SLC9A8: variants seen among roughly 807,000 people sequenced by gnomAD.
The protein encoded by SLC9A8 is sodium/hydrogen exchanger 8.
A neutral mutation model predicts 66.6 loss-of-function variants in SLC9A8; 48 were observed. That is an observed-to-expected ratio of 0.72 (90% CI 0.57 to 0.92). SLC9A8 has a LOEUF of 0.92. Among genes scored for constraint, SLC9A8 ranks in the 40% least tolerant of loss-of-function variants. The probability of loss-of-function intolerance (pLI) is 0.00; values close to 1 mark genes in which losing one functional copy is unlikely to be tolerated. For missense variants in SLC9A8, 599 were observed against 747.3 expected, an observed-to-expected ratio of 0.80 and a Z score of 2.31; for synonymous variants, 274 against 282.6, an observed-to-expected ratio of 0.97 and a Z score of 0.31.
chr20:49,828,918 GAT>G lies in SLC9A8; in HGVS notation c.289+5778_289+5779del, dbSNP rs2087038553. On this transcript the variant is annotated intron_variant, in intron 3 of 15. Coordinates refer to ENST00000361573, the MANE Select transcript of SLC9A8 (RefSeq NM_015266.3). ...AGCACAGTGCATGGCACACAGTATA[GAT>G]GTGTGTGTGTGTGTATGTATGCATT... 5.6e-5 allele frequency among the ~76,000 whole-genome samples: 7 copies of G among 125,354 alleles called. No homozygotes were observed. The South Asian group carries it at 1.7e-3, about 30-fold the overall frequency. 82.2% of individuals were successfully genotyped at this position (125,354 alleles called of 152,430 possible).
At position 49,823,133 on chromosome 20, in the gene SLC9A8, T is replaced by A; in HGVS notation, c.281T>A (p.Val94Asp). The A allele has an allele frequency of 6.2e-7, 1 of 1,610,738 alleles. No individual in the cohort carries two copies. Among genetic ancestry groups the A allele is most frequent in the Non-Finnish European group, 8.5e-7 (1 of 1,177,862 alleles). Residue 94 changes from valine to aspartate, a missense_variant, in exon 3 of 16, where the codon GTT becomes GAT. Around this residue, in one of 2 missense-constraint regions of SLC9A8, gnomAD observed 132 missense variants for 120.9 expected, o/e 1.09. Coordinates refer to ENST00000361573, the MANE Select transcript of SLC9A8 (RefSeq NM_015266.3). ...TTCTTGCCAGAGAGTGTTGCTGTTG[T>A]TTCTTTAGGTAAGTGTGTATTGGTG... ...LHFLPESVAV[V>D]SLGILMGAVI...
intron 10 of SLC9A8, among the ~76,000 whole-genome samples, chr20:49,867,152 A>T (rs2089005293): frequency 6.6e-6 from 1 of 152,132 alleles, no homozygotes; most frequent in Non-Finnish European, 1.5e-5. Flanking sequence ...TTTGCTTGTT[A>T]TTAAGTTTTG....
At chr20:49,882,712 T>G (rs1171434952) in intron 13 of SLC9A8, among the ~76,000 whole-genome samples, 4 of 152,188 alleles carry the variant, frequency 2.6e-5, no homozygotes, top group Non-Finnish European at 5.9e-5. Flanking sequence ...AATCCTACTT[T>G]GAATTGCCCG....
At position 49,890,215 on chromosome 20, in the gene SLC9A8, C is replaced by T. The variant is rs2090010281; in HGVS notation, c.*2279C>T. ...GAGTGCCCCCAAGAGATGAGGGCAC[C>T]CCGTGTTCCTTGGCAATCTTGGCTC... On this transcript the variant is annotated 3_prime_UTR_variant, in exon 16 of 16. Transcript: ENST00000361573. The T allele has an allele frequency of 6.6e-6, 1 of 152,042 alleles. No individual in the cohort carries two copies. Among genetic ancestry groups the T allele is most frequent in the African/African-American group, 2.4e-5 (1 of 41,378 alleles). 9.4% of individuals were successfully genotyped at this position (152,042 alleles called of 1,614,324 possible).
At chr20:49,874,282 G>T (rs1177849429) in intron 10 of SLC9A8, among the ~76,000 whole-genome samples, 2 of 152,046 alleles carry the variant, frequency 1.3e-5, no homozygotes, top group Non-Finnish European at 2.9e-5. Flanking sequence ...AGGGTGGGGG[G>T]GTAGTGCAGT....
intron 8 of SLC9A8, among the ~76,000 whole-genome samples, chr20:49,862,324 C>T (rs1207465476): frequency 1.3e-5 from 2 of 151,854 alleles, no homozygotes; most frequent in Non-Finnish European, 1.5e-5. Context: ...TGTAGTTGTG[C>T]GATCTTGGCC....
chr20:49,853,329 T>C (rs975328687), intron 7 of SLC9A8, among the ~76,000 whole-genome samples: 2 of 152,172 alleles, frequency 1.3e-5, no homozygotes, highest in Admixed American at 1.3e-4. Context: ...TGTGTAGAGA[T>C]AGGGTTCTCT....
intron 14 of SLC9A8, among the ~76,000 whole-genome samples, chr20:49,885,784 G>A (rs191770064): frequency 3.3e-5 from 5 of 152,268 alleles, no homozygotes; most frequent in East Asian, 1.9e-4. Context: ...TGAGAATGCC[G>A]AGGCACCAAG....
chr20:49,887,180 C>T (rs1474053501), intron 15 of SLC9A8, among the ~76,000 whole-genome samples: 4 of 152,184 alleles, frequency 2.6e-5, no homozygotes, highest in African/African-American at 4.8e-5. Context: ...GCTACTGAAT[C>T]GGAGCTGAGG....
intron 2 of SLC9A8, among the ~76,000 whole-genome samples, chr20:49,816,700 T>C (rs1443914635): frequency 6.6e-6 from 1 of 151,990 alleles, no homozygotes; most frequent in African/African-American, 2.4e-5. Context: ...AGCTAAGGAA[T>C]AAATAGCTTT....
Position 49,830,288 on chromosome 20 carries a change from A to G in SLC9A8, c.289+7147A>G. The G allele has an allele frequency of 4.4e-6, 5 of 1,137,708 alleles. No homozygotes were observed. The South Asian group carries it at 4.9e-5, about 11-fold the overall frequency. The allele number at this position is 1,137,708 out of a possible 1,614,324, so 70.5% of individuals were successfully genotyped here. A position where few individuals can be genotyped will look rare whatever the true frequency, so the allele number is the denominator to read the frequency against. ...GTGGAATCGTCTCTAACTTGCTAAA[A>G]ATGGGTCACACAGTGACTGTCTGGA... On this transcript the variant is annotated intron_variant, in intron 3 of 15. Transcript: ENST00000361573.
rs560489373 is a variant in SLC9A8, at chr20:49,890,385, G to C, written c.*2449G>C. The C allele has an allele frequency of 2.6e-5, 4 of 152,296 alleles. No homozygotes were observed. The highest frequency in any genetic ancestry group is 9.6e-5 in the African/African-American group (4 of 41,564). 9.4% of individuals were successfully genotyped at this position (152,296 alleles called of 1,614,324 possible). A position where few individuals can be genotyped will look rare whatever the true frequency, so the allele number is the denominator to read the frequency against. On this transcript the variant is annotated 3_prime_UTR_variant, in exon 16 of 16. Transcript: ENST00000361573. ...TGCATAGAAGATATAAAAATACGCAGCTTAACTATATCTTCCTGCGTGTGT... is the reference window on the plus strand; with the variant it reads ...TGCATAGAAGATATAAAAATACGCACCTTAACTATATCTTCCTGCGTGTGT...
intron 3 of SLC9A8, among the ~76,000 whole-genome samples, chr20:49,825,360 G>T (rs575644435): frequency 1.3e-5 from 2 of 152,120 alleles, no homozygotes; most frequent in East Asian, 3.9e-4. Context: ...AAATAAATTG[G>T]CCAGGCGCGG....
At chr20:49,887,712 T>TC in intron 15 of SLC9A8, 117 bp from the exon 16 acceptor site, 2 of 713,456 alleles carry the variant, frequency 2.8e-6, no homozygotes, top group Non-Finnish European at 4.7e-6. Context: ...CCTGTGGCCA[T>TC]CACCCTGCCT....
intron 3 of SLC9A8, among the ~76,000 whole-genome samples, chr20:49,825,366 C>T (rs767699889): frequency 6.6e-6 from 1 of 152,160 alleles, no homozygotes; most frequent in Non-Finnish European, 1.5e-5. Flanking sequence ...ATTGGCCAGG[C>T]GCGGTGGCTT....
chr20:49,834,235 T>A (rs2087360150), intron 3 of SLC9A8, among the ~76,000 whole-genome samples: 1 of 142,370 alleles, frequency 7.0e-6, no homozygotes, highest in African/African-American at 2.6e-5. Context: ...ACTATGTATA[T>A]ACACACACTG....
chr20:49,833,012 T>G (rs563002483), intron 3 of SLC9A8, among the ~76,000 whole-genome samples: 43 of 152,162 alleles, frequency 2.8e-4, no homozygotes, highest in Admixed American at 8.5e-4. Context: ...TCCAAGCGAT[T>G]CTCCCACCTC....
At chr20:49,830,512 T>C in intron 3 of SLC9A8, 1 of 727,364 alleles carries the variant, frequency 1.4e-6, no homozygotes, top group South Asian at 1.6e-5. Flanking sequence ...ATGTCAACGG[T>C]GGACGCTGAC....
At chr20:49,830,996 G>A in intron 3 of SLC9A8, 1 of 749,528 alleles carries the variant, frequency 1.3e-6, no homozygotes, top group Middle Eastern at 2.4e-4. Context: ...GACTCCCATG[G>A]CAGCTGCAGC....
Sources: allele counts gnomAD v4.1 joint callset (sites outside exome capture counted in the v4.1 genomes callset), GRCh38; gene constraint gnomAD v4.1.1; regional missense constraint gnomAD v4.1.1; transcripts MANE v1.5; gene names NCBI Gene and HGNC (gene_info 2026-07-23, HGNC 2026-07-21).